ANO4: variants seen among roughly 807,000 people sequenced by gnomAD.
ANO4 encodes the protein anoctamin 4.
In ANO4, 69 loss-of-function variants were observed where a neutral mutation model predicts 141.9. The ratio of observed to expected loss-of-function variants is 0.49; its 90% CI spans 0.40 to 0.59. The LOEUF is 0.59. Ranked by LOEUF, ANO4 falls within the 20% of genes least tolerant of loss-of-function variation. ANO4 has a pLI of 0.00. For missense variants in ANO4, 894 were observed against 1,162.2 expected, an observed-to-expected ratio of 0.77 and a Z score of 3.36; for synonymous variants, 350 against 394.3, an observed-to-expected ratio of 0.89 and a Z score of 1.33.
intron 2 of ANO4, among the ~76,000 whole-genome samples, chr12:100,904,696 A>G (rs1419306388): frequency 2.0e-5 from 3 of 152,130 alleles, no homozygotes; most frequent in Admixed American, 6.5e-5. Flanking sequence ...AGGCCATTGT[A>G]AGGACTTTGA....
chr12:101,079,999 C>T (rs774290633), intron 15 of ANO4, among the ~76,000 whole-genome samples: 1 of 152,318 alleles, frequency 6.6e-6, no homozygotes, highest in East Asian at 1.9e-4. Context: ...GACAGTTGGT[C>T]CAGGCCTCAG....
chr12:100,801,499 G>A (rs1222404202), intron 1 of ANO4, among the ~76,000 whole-genome samples: 2 of 108,606 alleles, frequency 1.8e-5, no homozygotes, highest in Non-Finnish European at 3.9e-5. Context: ...AGGAATGAAA[G>A]ATTTTTTTTT....
At chr12:101,065,996 A>C (rs1045638103) in intron 14 of ANO4, among the ~76,000 whole-genome samples, 4 of 152,250 alleles carry the variant, frequency 2.6e-5, no homozygotes, top group Non-Finnish European at 4.4e-5. Flanking sequence ...TATCAACAGA[A>C]TGAAGGATGA....
intron 1 of ANO4, among the ~76,000 whole-genome samples, chr12:100,795,415 G>A (rs1378029952): frequency 1.3e-5 from 2 of 152,172 alleles, no homozygotes; most frequent in Admixed American, 6.5e-5. Flanking sequence ...AGGGCCGGGG[G>A]TGACCTGCCC....
chr12:101,059,112 G>A (rs933900840), intron 14 of ANO4, among the ~76,000 whole-genome samples: 7 of 152,152 alleles, frequency 4.6e-5, no homozygotes, highest in Non-Finnish European at 7.4e-5. Flanking sequence ...TGTATCTATT[G>A]AGATAATCAT....
At chr12:100,734,933 A>G (rs1307427303) in intron 2 of ANO4, among the ~76,000 whole-genome samples, 1 of 152,238 alleles carries the variant, frequency 6.6e-6, no homozygotes, top group African/African-American at 2.4e-5. Flanking sequence ...CAAATTTACC[A>G]CACTAATTGA....
intron 1 of ANO4, among the ~76,000 whole-genome samples, chr12:100,815,814 G>A (rs2035704969): frequency 6.6e-6 from 1 of 151,900 alleles, no homozygotes; most frequent in African/African-American, 2.4e-5. Flanking sequence ...CAGCCAACAT[G>A]AAAGTCTTTT....
At chr12:100,796,905 TA>T (rs928392090) in intron 1 of ANO4, among the ~76,000 whole-genome samples, 3 of 152,190 alleles carry the variant, frequency 2.0e-5, no homozygotes, top group African/African-American at 7.2e-5. Flanking sequence ...GGATACTCAT[TA>T]AGATGGAAAG....
chr12:100,814,092 A>G (rs1168929761), intron 1 of ANO4, among the ~76,000 whole-genome samples: 2 of 152,132 alleles, frequency 1.3e-5, no homozygotes, highest in Non-Finnish European at 2.9e-5. Flanking sequence ...ATATAAGTCT[A>G]ACAGATTGCA....
intron 1 of ANO4, among the ~76,000 whole-genome samples, chr12:100,812,728 C>T (rs1390811791): frequency 6.6e-6 from 1 of 152,126 alleles, no homozygotes; most frequent in Non-Finnish European, 1.5e-5. Context: ...TAACCATACT[C>T]TTAGCACCAA....
chr12:100,876,627 A>C (rs1248665763), intron 1 of ANO4, among the ~76,000 whole-genome samples: 1 of 152,224 alleles, frequency 6.6e-6, no homozygotes, highest in Non-Finnish European at 1.5e-5. Flanking sequence ...GGACATGTGG[A>C]GGAGCTGGCT....
rs150956461 is a variant in ANO4 at position 100,874,766 on chromosome 12, C to T, written c.-140-26880C>T. Among the ~76,000 whole-genome samples the T allele has an allele frequency of 9.4e-3, 1,431 of 152,168 alleles. 23 individuals carry two copies. Among genetic ancestry groups the T allele is most frequent in the African/African-American group, 0.032 (1,343 of 41,528 alleles). On this transcript the variant is annotated intron_variant, in intron 1 of 27. Transcript: ENST00000392977. ...AACTCCTGGCCTCAAGTCATCTGCC[C>T]GCCTCAGCCTCCCAAAGTTCTGGGA...
At chr12:100,907,855 A>G (rs1466425156) in intron 2 of ANO4, among the ~76,000 whole-genome samples, 1 of 152,220 alleles carries the variant, frequency 6.6e-6, no homozygotes, top group Non-Finnish European at 1.5e-5. Context: ...CTCTTTGAAA[A>G]TGCAGTGCCC....
intron 2 of ANO4, among the ~76,000 whole-genome samples, chr12:100,908,533 A>T (rs779634531): frequency 1.4e-4 from 21 of 149,590 alleles, no homozygotes; most frequent in Non-Finnish European, 2.8e-4. Context: ...CTTGTTATTT[A>T]AAAAAAGTAT....
rs145332019 is a variant in ANO4 at position 101,116,629 on chromosome 12, A to G, written c.2451-50A>G. 1.4e-4 allele frequency: 221 copies of G among 1,613,648 alleles called. No homozygotes were observed. The African/African-American group carries it at 2.5e-3, about 18-fold the overall frequency. On this transcript the variant is annotated intron_variant, in intron 24 of 27. Transcript: ENST00000392977. The stretch of plus-strand genomic sequence containing the variant: ...AAGCAGGGTCTTCAGGGAACTGGAT[A>G]CAGAGAAGGTGATGAGTGTTCTAAT...
intron 14 of ANO4, among the ~76,000 whole-genome samples, chr12:101,076,241 T>G (rs1455463473): frequency 2.0e-5 from 3 of 152,054 alleles, no homozygotes; most frequent in Non-Finnish European, 4.4e-5. Context: ...CCATCATGGT[T>G]GGATTATTGT....
At chr12:100,994,699 A>G (rs1416742083) in intron 8 of ANO4, among the ~76,000 whole-genome samples, 1 of 152,216 alleles carries the variant, frequency 6.6e-6, no homozygotes, top group Non-Finnish European at 1.5e-5. Flanking sequence ...ATGCTATGCT[A>G]CGTGCACATA....
intron 1 of ANO4, among the ~76,000 whole-genome samples, chr12:100,728,262 A>G (rs2031226286): frequency 6.6e-6 from 1 of 152,182 alleles, no homozygotes; most frequent in African/African-American, 2.4e-5. Flanking sequence ...TGTGTTGTTT[A>G]TGAACACGCC....
intron 5 of ANO4, among the ~76,000 whole-genome samples, chr12:100,960,871 C>A (rs1476928857): frequency 6.6e-6 from 1 of 152,098 alleles, no homozygotes; most frequent in African/African-American, 2.4e-5. Flanking sequence ...ATCTCATATA[C>A]CATCTAGAAG....
Sources: gnomAD v4.1 joint callset for allele counts (sites outside exome capture counted in the v4.1 genomes callset) on GRCh38, gnomAD v4.1.1 for gene constraint, MANE v1.5 for transcripts, NCBI Gene and HGNC (gene_info 2026-07-23, HGNC 2026-07-21) for gene names.